Variants in ZFHX2 observed in about 807,000 individuals in gnomAD.
The protein encoded by ZFHX2 is zinc finger homeobox protein 2.
ZFHX2 carries 75 observed loss-of-function variants against 164.8 expected under a neutral mutation model. The observed-to-expected ratio is 0.46, with a 90% confidence interval of 0.38 to 0.55. The LOEUF (loss-of-function observed/expected upper bound fraction) is 0.55, where lower values mean the gene tolerates loss of function less well. Among genes scored for constraint, ZFHX2 ranks in the 20% least tolerant of loss-of-function variants. The pLI is 0.00. For missense variants in ZFHX2, 2,933 were observed against 3,308.0 expected (o/e 0.89, Z 2.78); for synonymous variants, 1,217 against 1,351.4 (o/e 0.90, Z 2.18).
chr14:23,534,609 G>A lies in ZFHX2; in HGVS notation c.717C>T (p.Cys239=). ...TGCTGAAACCCAGGCGGCACAGAAG[G>A]CAGAGCCAGAAGACCGCCACGTGGT... ...GGNHVAVFWL[C]LLCRLGFSKP... The change falls in exon 2 of 10, where the codon TGC becomes TGT. Residue 239 remains cysteine (C), a synonymous_variant. Coordinates refer to ENST00000419474, the MANE Select transcript of ZFHX2 (RefSeq NM_033400.3). The surrounding 1 kb of genome is among the most constrained non-coding windows in gnomAD (Gnocchi z 4.5). The A allele has an allele frequency of 1.3e-6, 2 of 1,536,152 alleles. No individual in the cohort carries two copies. The highest frequency in any genetic ancestry group is 1.7e-6 in the Non-Finnish European group (2 of 1,146,908).
Position 23,525,922 on chromosome 14 carries a change from G to A in ZFHX2, c.4020C>T (p.Phe1340=), listed in dbSNP as rs1328439250. The stretch of plus-strand genomic sequence containing the variant: ...GGAAGGGGGGCAGGACTGGTGGGGT[G>A]AAGAGAGGGGCTGGGAATCGGTGCA... ...LDLHRFPAPL[F]TPPVLPPFPL... Residue 1340 remains phenylalanine (F), a synonymous_variant, in exon 9 of 10, where the codon TTC becomes TTT. Coordinates refer to ENST00000419474, the MANE Select transcript of ZFHX2 (RefSeq NM_033400.3). The surrounding 1 kb of genome is among the most constrained non-coding windows in gnomAD (Gnocchi z 5.9). The A allele has an allele frequency of 6.8e-6, 10 of 1,472,884 alleles. No individual in the cohort carries two copies. The South Asian group carries it at 9.6e-5, about 14-fold the overall frequency. 91.2% of individuals were successfully genotyped at this position (1,472,884 alleles called of 1,614,324 possible).
intron 1 of ZFHX2, among the ~76,000 whole-genome samples, chr14:23,537,517 G>T (rs1435010665): frequency 6.6e-6 from 1 of 152,168 alleles, no homozygotes; most frequent in African/African-American, 2.4e-5. Context: ...AGGCCCCATT[G>T]TAGCTTCCCT....
chr14:23,537,836 G>A (rs1040983156), intron 1 of ZFHX2, among the ~76,000 whole-genome samples: 1 of 152,150 alleles, frequency 6.6e-6, no homozygotes, highest in Non-Finnish European at 1.5e-5. Flanking sequence ...TCACCCACAG[G>A]GTGGGCCACA....
chr14:23,551,147 A>T lies in ZFHX2; in HGVS notation c.-50+196T>A, dbSNP rs565026201. Among the ~76,000 whole-genome samples the T allele has an allele frequency of 7.1e-6, 1 of 140,902 alleles. No individual in the cohort carries two copies. Among genetic ancestry groups the T allele is most frequent in the African/African-American group, 2.7e-5 (1 of 37,140 alleles). The allele number at this position is 140,902 out of a possible 152,430, so 92.4% of individuals were successfully genotyped here. ...CCCACACCCCTGTCTGCTATCTCCC[A>T]GGGCTCTCGGTCTGTCTGTCCGTCC... On this transcript the variant is annotated intron_variant, in intron 1 of 9. Transcript: ENST00000419474. This position sits in a 1 kb window ranked among gnomAD's most constrained non-coding sequence, Gnocchi z 5.3.
At position 23,533,793 on chromosome 14, in the gene ZFHX2, G is replaced by A. The variant is rs755931087; in HGVS notation, c.1533C>T (p.Asp511=). The change falls in exon 2 of 10, where the codon GAC becomes GAT. Residue 511 remains aspartate (D), a synonymous_variant. Transcript: ENST00000419474. This position sits in a 1 kb window ranked among gnomAD's most constrained non-coding sequence, Gnocchi z 4.8. The part of the protein sequence containing the change: ...YNCGYKPYRC[D]VCNYSTTTKG... Reference sequence around the variant, plus strand: ...TGGTGGTTGTAGAGTAGTTGCAGACGTCACAGCGGTAGGGTTTGTAGCCAC... The same window carrying A: ...TGGTGGTTGTAGAGTAGTTGCAGACATCACAGCGGTAGGGTTTGTAGCCAC... 22 of 1,550,920 alleles carry A rather than the reference G, an allele frequency of 1.4e-5. No individual in the cohort carries two copies. Among genetic ancestry groups the A allele is most frequent in the African/African-American group, 1.4e-5 (1 of 73,554 alleles).
chr14:23,551,897 C>T (rs542946867), upstream of ZFHX2, among the ~76,000 whole-genome samples: 1 of 152,306 alleles, frequency 6.6e-6, no homozygotes, highest in African/African-American at 2.4e-5. This position sits in a 1 kb window ranked among gnomAD's most constrained non-coding sequence, Gnocchi z 5.3. Context: ...CGGGGGCAGG[C>T]CGGCCAGCCC....
intron 3 of ZFHX2, 59 bp from the exon 4 acceptor site, chr14:23,531,780 AC>A: frequency 7.9e-7 from 1 of 1,265,414 alleles, no homozygotes; most frequent in Admixed American, 3.9e-5. Flanking sequence ...ACCTCAGGGG[AC>A]TTTTTTTTTT....
chr14:23,554,134 C>A (rs1419362831), upstream of ZFHX2, among the ~76,000 whole-genome samples: 1 of 151,640 alleles, frequency 6.6e-6, no homozygotes, highest in Non-Finnish European at 1.5e-5. Context: ...TGGGAGTCGA[C>A]CTCAGGTCTG....
At position 23,529,544 on chromosome 14, in the gene ZFHX2, A is replaced by C. The variant is rs1879257956; in HGVS notation, c.2934+166T>G. ...CCCTGCTGGGCCAGCTCTGCCCCCG[A>C]AAGTGCTGAACATGTGGAACTGGAT... On this transcript the variant is annotated intron_variant, in intron 6 of 9. Transcript: ENST00000419474. 3 of 695,266 alleles carry C rather than the reference A, an allele frequency of 4.3e-6. No individual in the cohort carries two copies. In the East Asian group the frequency reaches 8.4e-5, roughly 19 times the overall value. 43.1% of individuals were successfully genotyped at this position (695,266 alleles called of 1,614,324 possible).
At position 23,523,600 on chromosome 14, in the gene ZFHX2, C is replaced by T. The variant is rs1418390246; in HGVS notation, c.6342G>A (p.Gln2114=). 4 of 1,554,774 alleles carry T rather than the reference C, an allele frequency of 2.6e-6. No homozygotes were observed. Among genetic ancestry groups the T allele is most frequent in the Non-Finnish European group, 2.6e-6 (3 of 1,156,060 alleles). The part of the protein sequence containing the change: ...LPKRVIQVWF[Q]NARAKEKKAK... The stretch of plus-strand genomic sequence containing the variant: ...CCTTCTTTTCCTTGGCACGAGCATT[C>T]TGGAACCAGACCTGGATGACTCTCT... The change falls in exon 9 of 10, where the codon CAG becomes CAA. Residue 2114 remains glutamine, a synonymous_variant. Coordinates refer to ENST00000419474, the MANE Select transcript of ZFHX2 (RefSeq NM_033400.3). This position sits in a 1 kb window ranked among gnomAD's most constrained non-coding sequence, Gnocchi z 4.1.
At chr14:23,522,987 C>T (rs1317887900) in intron 9 of ZFHX2, 46 bp from the exon 10 acceptor site, 1 of 1,425,310 alleles carries the variant, frequency 7.0e-7, no homozygotes, top group Non-Finnish European at 9.1e-7. Context: ...TCTCCTGTCC[C>T]ATCATTCTTC....
chr14:23,551,027 C>T lies in ZFHX2; in HGVS notation c.-50+316G>A, dbSNP rs1881896856. ...GCGGTCCGTCTAGGCTTTCCATACCCTTCGTCTGTCCGGCGGGCCTCTGCC... is the reference window on the plus strand; with the variant it reads ...GCGGTCCGTCTAGGCTTTCCATACCTTTCGTCTGTCCGGCGGGCCTCTGCC... On this transcript the variant is annotated intron_variant, in intron 1 of 9. Coordinates refer to ENST00000419474, the MANE Select transcript of ZFHX2 (RefSeq NM_033400.3). This position sits in a 1 kb window ranked among gnomAD's most constrained non-coding sequence, Gnocchi z 5.3. Among the ~76,000 whole-genome samples the T allele has an allele frequency of 6.6e-6, 1 of 152,204 alleles. No individual in the cohort carries two copies. Among genetic ancestry groups the T allele is most frequent in the South Asian group, 2.1e-4 (1 of 4,810 alleles).
At chr14:23,550,176 GGACA>G (rs961120509) in intron 1 of ZFHX2, among the ~76,000 whole-genome samples, 1 of 152,194 alleles carries the variant, frequency 6.6e-6, no homozygotes, top group African/African-American at 2.4e-5. Context: ...ATGGCAAAGG[GGACA>G]GTCAACAATG....
At position 23,534,612 on chromosome 14, in the gene ZFHX2, G is replaced by A. The variant is rs1186460005; in HGVS notation, c.714C>T (p.Leu238=). 4 of 1,536,160 alleles carry A rather than the reference G, an allele frequency of 2.6e-6. No individual in the cohort carries two copies. The highest frequency in any genetic ancestry group is 3.5e-6 in the Non-Finnish European group (4 of 1,146,918). The change falls in exon 2 of 10, where the codon CTC becomes CTT. Residue 238 remains leucine (L), a synonymous_variant. Coordinates refer to ENST00000419474, the MANE Select transcript of ZFHX2 (RefSeq NM_033400.3). This position sits in a 1 kb window ranked among gnomAD's most constrained non-coding sequence, Gnocchi z 4.5. Reference sequence around the variant, plus strand: ...TGAAACCCAGGCGGCACAGAAGGCAGAGCCAGAAGACCGCCACGTGGTTGC... The same window carrying A: ...TGAAACCCAGGCGGCACAGAAGGCAAAGCCAGAAGACCGCCACGTGGTTGC... ...SGGNHVAVFW[L]CLLCRLGFSK... is the part of the protein sequence containing the mutation.
At chr14:23,532,347 G>T in intron 3 of ZFHX2, 2 of 528,702 alleles carry the variant, frequency 3.8e-6, no homozygotes, top group Non-Finnish European at 3.0e-6. Context: ...CAGAAGAGCT[G>T]AATAAAGTCT....
rs577098999 is a variant in ZFHX2, at chr14:23,524,090, T to C, written c.5852A>G (p.Asp1951Gly). The change falls in exon 9 of 10, where the codon GAT (aspartate) becomes GGT (glycine). Residue 1951 changes from aspartate (D) to glycine (G), a missense_variant. Transcript: ENST00000419474. This position sits in a 1 kb window ranked among gnomAD's most constrained non-coding sequence, Gnocchi z 5.6. ...PKFNLLLGKV[D>G]DGTGREAPKR... Reference sequence around the variant, plus strand: ...TGGGGCTTCCCTCCCAGTGCCATCATCTACCTTGCCTAATAAGAGGTTGAA... The same window carrying C: ...TGGGGCTTCCCTCCCAGTGCCATCACCTACCTTGCCTAATAAGAGGTTGAA... 1 of 1,530,866 alleles carries C rather than the reference T, an allele frequency of 6.5e-7. No individual in the cohort carries two copies. Among genetic ancestry groups the C allele is most frequent in the African/African-American group, 1.4e-5 (1 of 72,882 alleles). 94.8% of individuals were successfully genotyped at this position (1,530,866 alleles called of 1,614,324 possible).
rs1199637098 is a variant in ZFHX2, at chr14:23,533,302, C to T, written c.2024G>A (p.Arg675His). The T allele has an allele frequency of 1.1e-5, 16 of 1,436,262 alleles. No homozygotes were observed. In the Admixed American group the frequency reaches 2.3e-4, roughly 21 times the overall value. The allele number at this position is 1,436,262 out of a possible 1,614,324, so 89.0% of individuals were successfully genotyped here. The change falls in exon 2 of 10, where the codon CGC (arginine) becomes CAC (histidine). Residue 675 changes from arginine (R) to histidine (H), a missense_variant. By Grantham distance (29) the Arg-to-His change is conservative. Coordinates refer to ENST00000419474, the MANE Select transcript of ZFHX2 (RefSeq NM_033400.3). The surrounding 1 kb of genome is among the most constrained non-coding windows in gnomAD (Gnocchi z 4.8). Reference protein sequence around the residue: ...NGFHHVGAPARKFPTSAPGSL... With the variant: ...NGFHHVGAPAHKFPTSAPGSL... ...AAGCTTACCGGATGTGGGGAACTTG[C>T]GGGCAGGTGCTCCTACGTGGTGGAA...
At position 23,526,550 on chromosome 14, in the gene ZFHX2, G is replaced by C; in HGVS notation, c.3392C>G (p.Pro1131Arg). The part of the protein sequence containing the change: ...QPPSPAPSPV[P>R]EPDAQAEDVA... Reference sequence around the variant, plus strand: ...GTCTTCAGCTTGGGCATCAGGTTCAGGGACTGGAGATGGGGCTGGAGAAGG... The same window carrying C: ...GTCTTCAGCTTGGGCATCAGGTTCACGGACTGGAGATGGGGCTGGAGAAGG... Residue 1131 changes from proline (P) to arginine (R), a missense_variant, in exon 9 of 10, where the codon CCT becomes CGT. By Grantham distance (103) the Pro-to-Arg change is moderately radical. Coordinates refer to ENST00000419474, the MANE Select transcript of ZFHX2 (RefSeq NM_033400.3). 2.0e-6 allele frequency: 3 copies of C among 1,535,934 alleles called. No homozygotes were observed. Among genetic ancestry groups the C allele is most frequent in the Non-Finnish European group, 2.6e-6 (3 of 1,146,838 alleles).
chr14:23,552,228 G>C (rs1882023213), upstream of ZFHX2, among the ~76,000 whole-genome samples: 1 of 151,936 alleles, frequency 6.6e-6, no homozygotes, highest in Non-Finnish European at 1.5e-5. Flanking sequence ...CCCTGAGCTG[G>C]GTTGGGGGAG....
Sources: gnomAD v4.1 joint callset for allele counts (sites outside exome capture counted in the v4.1 genomes callset) on GRCh38, gnomAD v4.1.1 for gene constraint, Gnocchi (gnomAD v3.1) non-coding constraint, MANE v1.5 for transcripts, NCBI Gene and HGNC (gene_info 2026-07-23, HGNC 2026-07-21) for gene names.